Variants in RPRD1A observed in about 807,000 individuals in gnomAD.
RPRD1A encodes regulation of nuclear pre-mRNA domain-containing protein 1A.
Under a neutral mutation model 37.8 loss-of-function variants are expected in RPRD1A, and 9 were observed. The ratio of observed to expected loss-of-function variants is 0.24; its 90% CI spans 0.14 to 0.42. The LOEUF (loss-of-function observed/expected upper bound fraction) is 0.42. Ranked by LOEUF, RPRD1A falls within the 10% of genes least tolerant of loss-of-function variation. The pLI is 1.00. For missense variants in RPRD1A, 255 were observed against 371.0 expected (o/e 0.69, Z 2.57); for synonymous variants, 138 against 139.7 (o/e 0.99, Z 0.08).
intron 1 of RPRD1A, among the ~76,000 whole-genome samples, chr18:36,045,254 A>G (rs995190783): frequency 2.0e-5 from 3 of 152,148 alleles, no homozygotes; most frequent in Admixed American, 6.5e-5. Flanking sequence ...ATAAAAATAT[A>G]TATTAAAAAA....
intron 1 of RPRD1A, among the ~76,000 whole-genome samples, chr18:36,049,642 T>C (rs1913226401): frequency 6.6e-6 from 1 of 152,246 alleles, no homozygotes; most frequent in Non-Finnish European, 1.5e-5. Flanking sequence ...TGTGTCAGAA[T>C]ATCCTTTCTT....
At chr18:36,025,542 C>T in intron 6 of RPRD1A, 3 of 818,282 alleles carry the variant, frequency 3.7e-6, no homozygotes, top group Non-Finnish European at 5.2e-6. Flanking sequence ...AAGTATAAAG[C>T]AGAATAAAGT....
intron 1 of RPRD1A, among the ~76,000 whole-genome samples, chr18:36,037,116 CT>C (rs201444690): frequency 2.0e-5 from 3 of 151,752 alleles, no homozygotes; most frequent in South Asian, 2.1e-4. Flanking sequence ...TAAAATGTTA[CT>C]TTTTTTTTCC....
intron 1 of RPRD1A, among the ~76,000 whole-genome samples, chr18:36,049,799 G>A (rs1015285699): frequency 2.0e-5 from 3 of 152,152 alleles, no homozygotes; most frequent in African/African-American, 7.2e-5. Flanking sequence ...GCATATATCT[G>A]TTTGAGTCCT....
intron 1 of RPRD1A, among the ~76,000 whole-genome samples, chr18:36,050,033 T>C (rs2144372954): frequency 6.6e-6 from 1 of 152,204 alleles, no homozygotes; most frequent in African/African-American, 2.4e-5. Flanking sequence ...GGTCTCTGCT[T>C]GTGCTTTTGA....
intron 1 of RPRD1A, among the ~76,000 whole-genome samples, chr18:36,051,034 C>CCACCA (rs1913352688): frequency 6.6e-6 from 1 of 151,932 alleles, no homozygotes; most frequent in Non-Finnish European, 1.5e-5. Context: ...TTGACCCTCC[C>CCACCA]AAAACTTAGG....
chr18:36,030,357 C>T (rs922038858), intron 4 of RPRD1A, among the ~76,000 whole-genome samples: 7 of 151,454 alleles, frequency 4.6e-5, no homozygotes, highest in Admixed American at 2.6e-4. Flanking sequence ...GTGGCCCGTG[C>T]CTGTAGTCTC....
intron 6 of RPRD1A, among the ~76,000 whole-genome samples, chr18:36,008,781 C>T (rs1166920134): frequency 6.6e-6 from 1 of 151,680 alleles, no homozygotes; most frequent in African/African-American, 2.4e-5. Flanking sequence ...CACATCAGCA[C>T]AATTTCAGTT....
rs1908796714 is a variant in RPRD1A, at chr18:35,992,942, C to T, written c.*209G>A. The T allele has an allele frequency of 2.5e-6, 1 of 401,254 alleles. No individual in the cohort carries two copies. Among genetic ancestry groups the T allele is most frequent in the African/African-American group, 2.1e-5 (1 of 48,506 alleles). The allele number at this position is 401,254 out of a possible 1,614,324, so 24.9% of individuals were successfully genotyped here. A position where few individuals can be genotyped will look rare whatever the true frequency, so the allele number is the denominator to read the frequency against. On this transcript the variant is annotated 3_prime_UTR_variant, in exon 7 of 7. Coordinates refer to ENST00000399022, the MANE Select transcript of RPRD1A (RefSeq NM_018170.5). ...CTATTTGTGAGCTTATTAATACACA[C>T]AAATCATCACTTTGTTCAAATTAAG... is the stretch of plus-strand genomic sequence containing the variant.
intron 6 of RPRD1A, among the ~76,000 whole-genome samples, chr18:36,015,682 C>G (rs151212643): frequency 9.7e-4 from 148 of 152,226 alleles, no homozygotes; most frequent in African/African-American, 3.4e-3. Flanking sequence ...ATTGGATGAA[C>G]CTAGAGGGCA....
At chr18:36,050,250 A>G (rs1418066567) in intron 1 of RPRD1A, among the ~76,000 whole-genome samples, 1 of 151,962 alleles carries the variant, frequency 6.6e-6, no homozygotes, top group Non-Finnish European at 1.5e-5. Context: ...TATTTATAAA[A>G]AAAAAAAAAC....
chr18:36,062,280 G>A (rs2088927983), intron 1 of RPRD1A, among the ~76,000 whole-genome samples: 1 of 138,842 alleles, frequency 7.2e-6, no homozygotes, highest in African/African-American at 2.7e-5. Flanking sequence ...TTGCGCCACT[G>A]CAGTCCGCAG....
Position 35,992,928 on chromosome 18 carries a change from C to A in RPRD1A, c.*223G>T. On this transcript the variant is annotated 3_prime_UTR_variant, in exon 7 of 7. Coordinates refer to ENST00000399022, the MANE Select transcript of RPRD1A (RefSeq NM_018170.5). ...TTTGAAAATAATCACTATTTGTGAG[C>A]TTATTAATACACACAAATCATCACT... 2.7e-6 allele frequency: 1 copy of A among 375,986 alleles called. No homozygotes were observed. Among genetic ancestry groups the A allele is most frequent in the Non-Finnish European group, 4.6e-6 (1 of 215,760 alleles). The allele number at this position is 375,986 out of a possible 1,614,324, so 23.3% of individuals were successfully genotyped here.
At chr18:36,053,705 T>A (rs1598662814) in intron 1 of RPRD1A, among the ~76,000 whole-genome samples, 2 of 152,056 alleles carry the variant, frequency 1.3e-5, no homozygotes, top group East Asian at 1.9e-4. Flanking sequence ...CTGGGTCATA[T>A]AGTAATTCTA....
intron 1 of RPRD1A, among the ~76,000 whole-genome samples, chr18:36,054,409 C>T (rs1302226146): frequency 6.6e-6 from 1 of 152,112 alleles, no homozygotes; most frequent in Non-Finnish European, 1.5e-5. Context: ...AGGAGAATCA[C>T]GAACCAGGGA....
At chr18:35,998,316 G>A (rs530794414) in intron 6 of RPRD1A, among the ~76,000 whole-genome samples, 14 of 151,946 alleles carry the variant, frequency 9.2e-5, no homozygotes, top group East Asian at 1.9e-4. Flanking sequence ...AGATTGCACC[G>A]TTGCACTCAA....
In RPRD1A at chr18:35,990,709, T is replaced by C. The variant is rs1598584448; in HGVS notation, c.*2442A>G. On this transcript the variant is annotated 3_prime_UTR_variant, in exon 7 of 7. Transcript: ENST00000399022. ...TGCACTCAAAGATGCATGATCTGCC[T>C]CAGGTGCACAGTGGAGAAAACGCTC... 1 of 152,334 alleles carries C rather than the reference T, an allele frequency of 6.6e-6. No homozygotes were observed. Among genetic ancestry groups the C allele is most frequent in the East Asian group, 1.9e-4 (1 of 5,190 alleles). 9.4% of individuals were successfully genotyped at this position (152,334 alleles called of 1,614,324 possible).
intron 1 of RPRD1A, among the ~76,000 whole-genome samples, chr18:36,060,766 C>T (rs1475879706): frequency 6.6e-6 from 1 of 152,054 alleles, no homozygotes; most frequent in Non-Finnish European, 1.5e-5. Flanking sequence ...GTGATGATTT[C>T]AACAAATGAT....
chr18:36,000,384 G>GT (rs1203036519), intron 6 of RPRD1A, among the ~76,000 whole-genome samples: 2 of 152,236 alleles, frequency 1.3e-5, no homozygotes, highest in East Asian at 3.9e-4. Flanking sequence ...TTTAATGTAA[G>GT]TAAGTATCAT....
Sources: allele counts gnomAD v4.1 joint callset (sites outside exome capture counted in the v4.1 genomes callset), GRCh38; gene constraint gnomAD v4.1.1; transcripts MANE v1.5; gene names NCBI Gene and HGNC (gene_info 2026-07-23, HGNC 2026-07-21).